Variants in EMSY observed in about 807,000 individuals in gnomAD.
EMSY encodes the protein BRCA2-interacting transcriptional repressor EMSY.
In EMSY, 26 loss-of-function variants were observed where a neutral mutation model predicts 134.6. That is an observed-to-expected ratio of 0.19 (90% CI 0.14 to 0.27). The LOEUF is 0.27. Among genes scored for constraint, EMSY ranks in the 10% least tolerant of loss-of-function variants. The pLI, the probability that EMSY is intolerant of heterozygous loss-of-function variation, is 1.00. For missense variants in EMSY, 1,305 were observed against 1,611.4 expected (o/e 0.81, Z 3.26); for synonymous variants, 579 against 577.8 (o/e 1.00, Z -0.03).
chr11:76,503,394 G>A (rs1286134180), intron 9 of EMSY, among the ~76,000 whole-genome samples: 1 of 150,262 alleles, frequency 6.7e-6, no homozygotes, highest in Non-Finnish European at 1.5e-5. Flanking sequence ...AATCAAAACA[G>A]TATGGTACCG....
At chr11:76,465,748 G>C (rs757167838) in intron 7 of EMSY, among the ~76,000 whole-genome samples, 1 of 151,908 alleles carries the variant, frequency 6.6e-6, no homozygotes, top group Non-Finnish European at 1.5e-5. Flanking sequence ...CTTTTATTTA[G>C]TTTTCTTAAG....
In EMSY at chr11:76,522,352, C is replaced by CTTTTTTTTTTT. The variant is rs71040003; in HGVS notation, c.1685-783_1685-773dup. On this transcript the variant is annotated intron_variant, in intron 11 of 20. Transcript: ENST00000334736. ...CTTGTTTTGTATATCGTTTACTTTG[C>CTTTTTTTTTTT]TTTTTTTTTTTTTTTTTTTTTTTTT... Among the ~76,000 whole-genome samples, 112 of 44,258 alleles carry CTTTTTTTTTTT rather than the reference C, an allele frequency of 2.5e-3. 20 individuals carry two copies. The highest frequency in any genetic ancestry group is 5.7e-3 in the African/African-American group (61 of 10,640). 29.0% of individuals were successfully genotyped at this position (44,258 alleles called of 152,430 possible).
intron 16 of EMSY, among the ~76,000 whole-genome samples, chr11:76,539,053 G>T (rs1318400420): frequency 1.3e-5 from 2 of 152,190 alleles, no homozygotes; most frequent in African/African-American, 4.8e-5. Flanking sequence ...TTAAAATGTG[G>T]TCTGGCAGCA....
At chr11:76,511,065 A>ACT (rs989684949) in intron 9 of EMSY, among the ~76,000 whole-genome samples, 56 of 152,268 alleles carry the variant, frequency 3.7e-4, no homozygotes, top group African/African-American at 1.3e-3. Flanking sequence ...AGCAGAGCCG[A>ACT]TGCCGCCGTG....
intron 1 of EMSY, 52 bp from the exon 2 acceptor site, chr11:76,446,848 T>C: frequency 8.0e-7 from 1 of 1,247,842 alleles, no homozygotes; most frequent in South Asian, 1.3e-5. Context: ...AGTGGCCCCT[T>C]GAATGTACTT....
At chr11:76,463,297 T>C (rs1254801996) in intron 6 of EMSY, among the ~76,000 whole-genome samples, 2 of 149,964 alleles carry the variant, frequency 1.3e-5, no homozygotes. Context: ...CACTCCAGCC[T>C]GGGCGACAGA....
intron 14 of EMSY, 78 bp downstream of exon 15, chr11:76,528,544 C>A: frequency 6.3e-6 from 6 of 954,198 alleles, no homozygotes; most frequent in African/African-American, 1.7e-5. Flanking sequence ...GTTGCTTCTA[C>A]ACATTTCACA....
At chr11:76,465,562 C>T (rs1948316435) in intron 7 of EMSY, among the ~76,000 whole-genome samples, 1 of 148,852 alleles carries the variant, frequency 6.7e-6, no homozygotes, top group African/African-American at 2.5e-5. Flanking sequence ...TGCTCTCATA[C>T]TTTAAATTTC....
intron 6 of EMSY, among the ~76,000 whole-genome samples, chr11:76,461,945 G>T (rs1948137592): frequency 6.9e-6 from 1 of 144,172 alleles, no homozygotes; most frequent in South Asian, 2.2e-4. Flanking sequence ...GAAAAGAAAA[G>T]AAAACACCAG....
At chr11:76,453,249 T>TA (rs1232358981) in intron 3 of EMSY, 65 bp from the exon 4 acceptor site, 1 of 1,473,728 alleles carries the variant, frequency 6.8e-7, no homozygotes, top group African/African-American at 1.4e-5. Flanking sequence ...GACTTAAACA[T>TA]TAATGAAAGT....
chr11:76,544,317 G>A (rs1416116725), exon 19 of EMSY: 2 of 1,614,118 alleles, frequency 1.2e-6, no homozygotes, highest in South Asian at 1.1e-5. Context: ...ACTGAGGAGG[G>A]CGAGGTTGAA....
chr11:76,548,307 A>G (rs1367983077), intron 20 of EMSY, among the ~76,000 whole-genome samples: 1 of 152,152 alleles, frequency 6.6e-6, no homozygotes, highest in Non-Finnish European at 1.5e-5. Context: ...AAAATTCAAC[A>G]TGTTTGATAT....
intron 8 of EMSY, among the ~76,000 whole-genome samples, chr11:76,490,724 C>A (rs905776302): frequency 6.6e-6 from 1 of 152,050 alleles, no homozygotes; most frequent in Non-Finnish European, 1.5e-5. Flanking sequence ...TTTAGGTGTA[C>A]CAGGTTCATC....
chr11:76,522,280 A>G (rs915626599), intron 11 of EMSY, among the ~76,000 whole-genome samples: 1 of 148,986 alleles, frequency 6.7e-6, no homozygotes, highest in Admixed American at 6.7e-5. Context: ...TTATCCTCAC[A>G]TTCTCCAGAG....
chr11:76,545,648 A>T, intron 19 of EMSY, 149 bp from the exon 21 acceptor site: 1 of 1,001,174 alleles, frequency 1.0e-6, no homozygotes, highest in Non-Finnish European at 1.4e-6. Context: ...GATCCTTCCT[A>T]TCCAGCCCTC....
At position 76,452,236 on chromosome 11, in the gene EMSY, G is replaced by A. The variant is rs564182868; in HGVS notation, c.170+279G>A. Reference sequence around the variant, plus strand: ...AGTTTATCTTACTTTTAGCCCACCTGGATAAGGGAGGTGCTTTTGACATAG... The same window carrying A: ...AGTTTATCTTACTTTTAGCCCACCTAGATAAGGGAGGTGCTTTTGACATAG... On this transcript the variant is annotated intron_variant, in intron 3 of 20. Transcript: ENST00000334736. Among the ~76,000 whole-genome samples the A allele has an allele frequency of 2.0e-5, 3 of 152,262 alleles. No individual in the cohort carries two copies. The South Asian group carries it at 6.2e-4, about 32-fold the overall frequency.
chr11:76,492,332 T>G (rs1022305391), intron 8 of EMSY, among the ~76,000 whole-genome samples: 2 of 152,010 alleles, frequency 1.3e-5, no homozygotes, highest in African/African-American at 4.8e-5. Flanking sequence ...AAATTAGCCA[T>G]GCATGGTGGT....
chr11:76,467,549 G>C (rs1268490895), intron 7 of EMSY, among the ~76,000 whole-genome samples: 3 of 152,174 alleles, frequency 2.0e-5, no homozygotes, highest in African/African-American at 7.2e-5. Flanking sequence ...ATTCTTCAAT[G>C]TATTCCCTAG....
chr11:76,481,465 C>T (rs1486298839), intron 8 of EMSY, among the ~76,000 whole-genome samples: 1 of 152,182 alleles, frequency 6.6e-6, no homozygotes, highest in East Asian at 1.9e-4. Flanking sequence ...AATCCCAACC[C>T]CATGGACGCC....
Sources: gnomAD v4.1 joint callset for allele counts (sites outside exome capture counted in the v4.1 genomes callset) on GRCh38, gnomAD v4.1.1 for gene constraint, MANE v1.5 for transcripts, NCBI Gene and HGNC (gene_info 2026-07-23, HGNC 2026-07-21) for gene names.